ELAVL2: variants seen among roughly 807,000 people sequenced by gnomAD.
The protein encoded by ELAVL2 is ELAV like RNA binding protein 2, also known as ELAV-like protein 2.
A neutral mutation model predicts 34.6 loss-of-function variants in ELAVL2; 4 were observed. The observed-to-expected ratio is 0.12, with a 90% CI of 0.06 to 0.26. ELAVL2 has a LOEUF of 0.26. ELAVL2 is among the 10% of genes least tolerant of loss of function. The pLI is 1.00. For missense variants in ELAVL2, 432 were observed against 442.8 expected (o/e 0.98, Z 0.22); for synonymous variants, 193 against 154.8 (o/e 1.25, Z -1.83).
chr9:23,799,717 A>C (rs2061363634), intron 1 of ELAVL2, among the ~76,000 whole-genome samples: 1 of 152,188 alleles, frequency 6.6e-6, no homozygotes, highest in African/African-American at 2.4e-5. Context: ...TACCACACCC[A>C]AGGTGCTTCC....
At chr9:23,712,979 C>T (rs1317278526) in intron 3 of ELAVL2, among the ~76,000 whole-genome samples, 1 of 152,180 alleles carries the variant, frequency 6.6e-6, no homozygotes, top group Non-Finnish European at 1.5e-5. Context: ...CCACCTTTTT[C>T]ACACATCTTA....
chr9:23,835,225 A>G, the ELAVL2 span, among the ~76,000 whole-genome samples: 1 of 152,120 alleles, frequency 6.6e-6, no homozygotes, highest in Non-Finnish European at 1.5e-5. Context: ...ATATACCATC[A>G]CAGTCTAATC....
intron 1 of ELAVL2, among the ~76,000 whole-genome samples, chr9:23,788,459 T>TAC (rs1245532075): frequency 1.3e-5 from 2 of 152,180 alleles, no homozygotes; most frequent in Non-Finnish European, 1.5e-5. Flanking sequence ...AACTGACCCC[T>TAC]ACCATGTTTT....
chr9:23,766,144 T>C (rs2056209566), intron 1 of ELAVL2, among the ~76,000 whole-genome samples: 1 of 152,188 alleles, frequency 6.6e-6, no homozygotes, highest in Non-Finnish European at 1.5e-5. Context: ...TGATTTACTC[T>C]TGATATTAGC....
At chr9:23,760,820 A>G (rs1182298561) in intron 2 of ELAVL2, among the ~76,000 whole-genome samples, 1 of 152,040 alleles carries the variant, frequency 6.6e-6, no homozygotes, top group African/African-American at 2.4e-5. Context: ...TGTGAATCTC[A>G]ATCTGTAGCT....
At chr9:23,781,198 A>C (rs1393572208) in intron 1 of ELAVL2, among the ~76,000 whole-genome samples, 1 of 152,196 alleles carries the variant, frequency 6.6e-6, no homozygotes, top group Non-Finnish European at 1.5e-5. Context: ...GGCACTATAC[A>C]AAGTAGGGTA....
intron 2 of ELAVL2, among the ~76,000 whole-genome samples, chr9:23,734,609 T>C (rs1218272710): frequency 1.3e-5 from 2 of 152,220 alleles, no homozygotes; most frequent in Non-Finnish European, 2.9e-5. Context: ...CAGGCACTTC[T>C]GACACTTTTA....
chr9:23,794,904 G>C (rs140102201), intron 1 of ELAVL2, among the ~76,000 whole-genome samples: 1 of 152,190 alleles, frequency 6.6e-6, no homozygotes, highest in East Asian at 1.9e-4. Context: ...GGTATATACA[G>C]CTCCTAGAAA....
At position 23,748,936 on chromosome 9, in the gene ELAVL2, T is replaced by C. The variant is rs551181064; in HGVS notation, c.229+13070A>G. On this transcript the variant is annotated intron_variant, in intron 2 of 6. Coordinates refer to ENST00000397312, the MANE Select transcript of ELAVL2 (RefSeq NM_004432.5). ...GGGGTACCGAGAATAGGCAAATTCA[T>C]AGAGACACAGAAAATATAATGGTTA... Among the ~76,000 whole-genome samples the C allele has an allele frequency of 3.3e-5, 5 of 152,172 alleles. No homozygotes were observed. In the South Asian group the frequency reaches 8.3e-4, roughly 25 times the overall value.
chr9:23,810,741 T>C (rs562801748), intron 1 of ELAVL2, among the ~76,000 whole-genome samples: 139 of 152,238 alleles, frequency 9.1e-4, no homozygotes, highest in Non-Finnish European at 1.8e-3. Context: ...CCACCTGACC[T>C]CTGAGCTTCA....
At chr9:23,813,058 A>AT (rs756981350) in intron 1 of ELAVL2, among the ~76,000 whole-genome samples, 4 of 152,204 alleles carry the variant, frequency 2.6e-5, no homozygotes, top group Admixed American at 6.5e-5. Context: ...CCACACTGAC[A>AT]TTTTCTACCT....
intron 3 of ELAVL2, among the ~76,000 whole-genome samples, chr9:23,714,440 T>C (rs1339758588): frequency 6.6e-6 from 1 of 152,202 alleles, no homozygotes; most frequent in African/African-American, 2.4e-5. Flanking sequence ...ATGAGTGTGC[T>C]GGGAAGCCTG....
At chr9:23,748,790 T>C (rs532913020) in intron 2 of ELAVL2, among the ~76,000 whole-genome samples, 7 of 151,988 alleles carry the variant, frequency 4.6e-5, no homozygotes, top group African/African-American at 1.4e-4. Context: ...GGAAGAGAAA[T>C]AAAACATACA....
intron 1 of ELAVL2, among the ~76,000 whole-genome samples, chr9:23,780,474 T>C: frequency 6.6e-6 from 1 of 152,208 alleles, no homozygotes. Flanking sequence ...TATTGAATCC[T>C]ATGAGTCTTT....
At chr9:23,698,241 T>C (rs2035946419) in intron 5 of ELAVL2, among the ~76,000 whole-genome samples, 1 of 152,194 alleles carries the variant, frequency 6.6e-6, no homozygotes, top group Admixed American at 6.5e-5. Context: ...GTCCCAAGAA[T>C]ATACTTAAGG....
intron 1 of ELAVL2, among the ~76,000 whole-genome samples, chr9:23,804,774 G>T (rs1425483630): frequency 6.6e-6 from 1 of 152,098 alleles, no homozygotes; most frequent in Non-Finnish European, 1.5e-5. Flanking sequence ...ACTGGGGGAA[G>T]TAAAGGCAAG....
In ELAVL2 at chr9:23,740,011, A is replaced by T. The variant is rs1014756469; in HGVS notation, c.230-8886T>A. On this transcript the variant is annotated intron_variant, in intron 2 of 6. Coordinates refer to ENST00000397312, the MANE Select transcript of ELAVL2 (RefSeq NM_004432.5). Reference sequence around the variant, plus strand: ...AAACTATAAAATTAGACTCTAACAAACTCACCAAGTCCATGTGAAACAAAA... The same window carrying T: ...AAACTATAAAATTAGACTCTAACAATCTCACCAAGTCCATGTGAAACAAAA... Among the ~76,000 whole-genome samples, 23 of 152,176 alleles carry T rather than the reference A, an allele frequency of 1.5e-4. No homozygotes were observed. In the Middle Eastern group the frequency reaches 0.01, roughly 68 times the overall value.
At chr9:23,837,834 C>T in the ELAVL2 span, among the ~76,000 whole-genome samples, 1 of 152,068 alleles carries the variant, frequency 6.6e-6, no homozygotes, top group Non-Finnish European at 1.5e-5. Flanking sequence ...TTATACCTTG[C>T]CGTGCTCTCT....
At chr9:23,729,148 C>T (rs1052773131) in intron 3 of ELAVL2, among the ~76,000 whole-genome samples, 6 of 152,174 alleles carry the variant, frequency 3.9e-5, no homozygotes, top group African/African-American at 1.4e-4. Flanking sequence ...TTTCTACCTT[C>T]TTCTGGATCT....
Sources: allele counts gnomAD v4.1 joint callset (sites outside exome capture counted in the v4.1 genomes callset), GRCh38; gene constraint gnomAD v4.1.1; transcripts MANE v1.5; gene names NCBI Gene and HGNC (gene_info 2026-07-23, HGNC 2026-07-21).